The following FAM174B variants were observed in gnomAD, a reference collection of about 807,000 sequenced individuals.
The protein encoded by FAM174B is membrane protein FAM174B.
FAM174B carries 12 observed loss-of-function variants against 10.9 expected under a neutral mutation model. The ratio of observed to expected loss-of-function variants is 1.10; its 90% CI spans 0.71 to 1.79. The LOEUF (loss-of-function observed/expected upper bound fraction) is 1.79. FAM174B is among the 40% of genes most tolerant of loss of function. FAM174B has a pLI of 0.00. For synonymous variants in FAM174B, 132 were observed against 115.8 expected (o/e 1.14, Z -0.90); for missense variants, 266 against 233.3 (o/e 1.14, Z -0.91).
chr15:92,631,235 TTATATATTATATTATATATAA>T (rs2050801771), intron 1 of FAM174B, among the ~76,000 whole-genome samples: 1 of 2,966 alleles, frequency 3.4e-4, no homozygotes, highest in Non-Finnish European at 1.8e-3. Flanking sequence ...ATATAATATA[TTATATATTATATTATATATAA>T]TATATTATAT....
chr15:92,621,946 G>T (rs2050722303), intron 2 of FAM174B, among the ~76,000 whole-genome samples: 1 of 152,214 alleles, frequency 6.6e-6, no homozygotes, highest in Admixed American at 6.5e-5. Flanking sequence ...AAGGGTGGGG[G>T]CACAGGAACT....
intron 2 of FAM174B, among the ~76,000 whole-genome samples, chr15:92,628,089 C>T (rs1000251557): frequency 1.3e-5 from 2 of 152,092 alleles, no homozygotes; most frequent in African/African-American, 2.4e-5. Flanking sequence ...TTCCTAATAC[C>T]TAATACAATG....
At chr15:92,640,479 G>A (rs1256714059) in intron 1 of FAM174B, among the ~76,000 whole-genome samples, 1 of 127,644 alleles carries the variant, frequency 7.8e-6, no homozygotes, top group Non-Finnish European at 1.6e-5. Context: ...TTGAGCCCAT[G>A]AGACATAGGT....
At chr15:92,631,334 TTA>T (rs1392842050) in intron 1 of FAM174B, among the ~76,000 whole-genome samples, 2 of 1,426 alleles carry the variant, frequency 1.4e-3, no homozygotes, top group Non-Finnish European at 4.0e-3. Context: ...ATATAATATA[TTA>T]TATATTATAT....
chr15:92,640,548 T>A lies in FAM174B; in HGVS notation c.345-10203A>T, dbSNP rs1426761278. Among the ~76,000 whole-genome samples the A allele has an allele frequency of 1.3e-4, 7 of 53,086 alleles. No homozygotes were observed. In the Admixed American group the frequency reaches 2.3e-3, roughly 17 times the overall value. The allele number at this position is 53,086 out of a possible 152,430, so 34.8% of individuals were successfully genotyped here. A position where few individuals can be genotyped will look rare whatever the true frequency, so the allele number is the denominator to read the frequency against. On this transcript the variant is annotated intron_variant, in intron 1 of 2. Transcript: ENST00000327355. ...GCCTGGATGACAAAGTGAGACTCCATCTCAAAAAAAAAAAAAAAAAAAAAA... is the reference window on the plus strand; with the variant it reads ...GCCTGGATGACAAAGTGAGACTCCAACTCAAAAAAAAAAAAAAAAAAAAAA...
chr15:92,629,868 T>C (rs1488213608), intron 2 of FAM174B, among the ~76,000 whole-genome samples: 1 of 152,156 alleles, frequency 6.6e-6, no homozygotes, highest in Non-Finnish European at 1.5e-5. Flanking sequence ...CTGATGGTTT[T>C]CTAAGGGGGA....
intron 1 of FAM174B, among the ~76,000 whole-genome samples, chr15:92,645,303 C>G (rs1409805307): frequency 6.6e-6 from 1 of 152,230 alleles, no homozygotes; most frequent in African/African-American, 2.4e-5. Context: ...TGGTTGACCC[C>G]AGGATGGGCA....
intron 2 of FAM174B, among the ~76,000 whole-genome samples, chr15:92,620,474 G>A (rs2050711934): frequency 6.6e-6 from 1 of 151,822 alleles, no homozygotes; most frequent in Admixed American, 6.6e-5. Context: ...CTCCAGCCTG[G>A]GCAACAGAGC....
At position 92,617,934 on chromosome 15, in the gene FAM174B, C is replaced by A; in HGVS notation, c.*1522G>T. On this transcript the variant is annotated 3_prime_UTR_variant, in exon 3 of 3. Coordinates refer to ENST00000327355, the MANE Select transcript of FAM174B (RefSeq NM_207446.3). ...CGCCACCCTCACCCAGGGCTTCCCA[C>A]GGGCTCTGCTCTTTCCTGCAGAGGC... The A allele has an allele frequency of 2.5e-6, 1 of 395,424 alleles. No homozygotes were observed. The highest frequency in any genetic ancestry group is 4.5e-6 in the Non-Finnish European group (1 of 223,904). The allele number at this position is 395,424 out of a possible 1,614,324, so 24.5% of individuals were successfully genotyped here.
intron 2 of FAM174B, among the ~76,000 whole-genome samples, chr15:92,623,063 G>A (rs549510103): frequency 6.6e-6 from 1 of 152,188 alleles, no homozygotes; most frequent in South Asian, 2.1e-4. Flanking sequence ...GGCTGAGGCA[G>A]GAGAATCACT....
chr15:92,628,241 T>G (rs1004758550), intron 2 of FAM174B, among the ~76,000 whole-genome samples: 2 of 151,818 alleles, frequency 1.3e-5, no homozygotes, highest in Non-Finnish European at 2.9e-5. Flanking sequence ...CATGGCTCAC[T>G]GCAGCCTTGA....
At position 92,630,422 on chromosome 15, in the gene FAM174B, C is replaced by T. The variant is rs915014690; in HGVS notation, c.345-77G>A. 7 of 1,385,822 alleles carry T rather than the reference C, an allele frequency of 5.1e-6. No individual in the cohort carries two copies. The Admixed American group carries it at 1.4e-4, about 28-fold the overall frequency. 85.8% of individuals were successfully genotyped at this position (1,385,822 alleles called of 1,614,324 possible). A position where few individuals can be genotyped will look rare whatever the true frequency, so the allele number is the denominator to read the frequency against. ...ACTGGGCCCCAAGCCCCAGAGGACC[C>T]GACAGCAACTTAGCAGCTGGTGTTT... On this transcript the variant is annotated intron_variant, in intron 1 of 2. Coordinates refer to ENST00000327355, the MANE Select transcript of FAM174B (RefSeq NM_207446.3).
intron 1 of FAM174B, among the ~76,000 whole-genome samples, chr15:92,637,020 C>T (rs974929034): frequency 2.6e-5 from 4 of 152,230 alleles, no homozygotes; most frequent in Admixed American, 6.5e-5. Flanking sequence ...CACTTCCTCC[C>T]TCCTTTTGGC....
At chr15:92,641,579 A>G (rs1328347891) in intron 1 of FAM174B, among the ~76,000 whole-genome samples, 1 of 152,216 alleles carries the variant, frequency 6.6e-6, no homozygotes, top group East Asian at 1.9e-4. Context: ...GATAGAAAAG[A>G]TATCCACATG....
intron 1 of FAM174B, chr15:92,655,097 TAA>T (rs779678116): frequency 3.1e-5 from 15 of 481,598 alleles, no homozygotes; most frequent in Non-Finnish European, 5.1e-5. Flanking sequence ...TATATATAGT[TAA>T]AGAGAGGAAA....
rs77846053 is a variant in FAM174B, at chr15:92,622,175, C to T, written c.477-2716G>A. 6.7e-4 allele frequency among the ~76,000 whole-genome samples: 102 copies of T among 152,342 alleles called. 1 individual carries two copies. Among genetic ancestry groups the T allele is most frequent in the African/African-American group, 1.3e-3 (52 of 41,572 alleles). On this transcript the variant is annotated intron_variant, in intron 2 of 2. Transcript: ENST00000327355. Reference sequence around the variant, plus strand: ...TCCCACGGGACTGCTCTGAATCTTACGGGGATCCCCTACCAGGCTCTCTGC... The same window carrying T: ...TCCCACGGGACTGCTCTGAATCTTATGGGGATCCCCTACCAGGCTCTCTGC...
At chr15:92,649,630 C>T (rs948544539) in intron 1 of FAM174B, among the ~76,000 whole-genome samples, 6 of 152,130 alleles carry the variant, frequency 3.9e-5, no homozygotes, top group Non-Finnish European at 7.4e-5. Context: ...AGAAATGGTG[C>T]CCAGAAAGGT....
intron 1 of FAM174B, among the ~76,000 whole-genome samples, chr15:92,636,854 G>A (rs1312416331): frequency 3.9e-5 from 6 of 152,152 alleles, no homozygotes; most frequent in African/African-American, 1.4e-4. Flanking sequence ...TGACTTTAGC[G>A]CCAAAAAACT....
chr15:92,624,859 C>T (rs400510), intron 2 of FAM174B, among the ~76,000 whole-genome samples: 28,813 of 152,140 alleles, frequency 0.19, 3,185 homozygotes, highest in East Asian at 0.5. Context: ...GCTGCCGGGC[C>T]GCCTGCCACA....
Sources: allele counts gnomAD v4.1 joint callset (sites outside exome capture counted in the v4.1 genomes callset), GRCh38; gene constraint gnomAD v4.1.1; transcripts MANE v1.5; gene names NCBI Gene and HGNC (gene_info 2026-07-23, HGNC 2026-07-21).